TIAM1: variants seen among roughly 807,000 people sequenced by gnomAD.
TIAM1 encodes the protein TIAM Rac1 associated GEF 1.
Under a neutral mutation model 163.5 loss-of-function variants are expected in TIAM1, and 65 were observed. The ratio of observed to expected loss-of-function variants is 0.40; its 90% CI spans 0.33 to 0.49. The LOEUF (loss-of-function observed/expected upper bound fraction) is 0.49. Ranked by LOEUF, TIAM1 falls within the 20% of genes least tolerant of loss-of-function variation. The pLI, the probability that TIAM1 is intolerant of heterozygous loss-of-function variation, is 0.77. For missense variants in TIAM1, 1,789 were observed against 2,044.7 expected (o/e 0.87, Z 2.41); for synonymous variants, 833 against 810.1 (o/e 1.03, Z -0.48).
intron 8 of TIAM1, among the ~76,000 whole-genome samples, chr21:31,218,343 A>T (rs1216850912): frequency 1.3e-5 from 2 of 152,146 alleles, no homozygotes; most frequent in African/African-American, 4.8e-5. Context: ...AGATGCAGGC[A>T]GATCACCTGA....
intron 2 of TIAM1, among the ~76,000 whole-genome samples, chr21:31,316,052 T>C (rs1034640238): frequency 1.3e-5 from 2 of 151,824 alleles, no homozygotes; most frequent in African/African-American, 4.9e-5. Context: ...TACGGCCGAC[T>C]GTCAATAACC....
At chr21:31,407,220 T>G (rs969830471) in intron 2 of TIAM1, among the ~76,000 whole-genome samples, 2 of 152,196 alleles carry the variant, frequency 1.3e-5, no homozygotes, top group Non-Finnish European at 2.9e-5. Context: ...AACCTCTAAG[T>G]GTGTGAAGCC....
intron 2 of TIAM1, among the ~76,000 whole-genome samples, chr21:31,451,080 A>T (rs970980279): frequency 2.0e-5 from 3 of 151,392 alleles, no homozygotes; most frequent in Non-Finnish European, 4.4e-5. Context: ...AAAAAAAAAA[A>T]GGTTCGCTCT....
chr21:31,132,232 C>T (rs1042462849), intron 23 of TIAM1, among the ~76,000 whole-genome samples: 1 of 152,178 alleles, frequency 6.6e-6, no homozygotes. Flanking sequence ...GAGGGCAGGT[C>T]GGTCTTGTCT....
At chr21:31,207,260 G>A (rs1206437704) in intron 11 of TIAM1, among the ~76,000 whole-genome samples, 1 of 152,192 alleles carries the variant, frequency 6.6e-6, no homozygotes, top group African/African-American at 2.4e-5. Context: ...TATATGAAAT[G>A]AAGATCTTGA....
intron 2 of TIAM1, among the ~76,000 whole-genome samples, chr21:31,419,367 C>T (rs2043485918): frequency 6.6e-6 from 1 of 152,170 alleles, no homozygotes; most frequent in Non-Finnish European, 1.5e-5. Flanking sequence ...GACAGTGACG[C>T]ACCTTGTAGA....
chr21:31,509,225 G>A (rs995491253), intron 1 of TIAM1, among the ~76,000 whole-genome samples: 3 of 152,162 alleles, frequency 2.0e-5, no homozygotes, highest in Admixed American at 6.5e-5. Flanking sequence ...GTCACCCCAG[G>A]GAGACTCACC....
At chr21:31,166,290 G>C (rs1028482617) in intron 15 of TIAM1, among the ~76,000 whole-genome samples, 1 of 152,206 alleles carries the variant, frequency 6.6e-6, no homozygotes, top group Non-Finnish European at 1.5e-5. Context: ...TCACGGACTA[G>C]AGCACTATCA....
intron 2 of TIAM1, among the ~76,000 whole-genome samples, chr21:31,396,031 T>C (rs972486656): frequency 1.3e-5 from 2 of 152,192 alleles, no homozygotes; most frequent in Non-Finnish European, 2.9e-5. Flanking sequence ...GTCCCCAGAG[T>C]GCTAAACTAA....
chr21:31,228,219 TTAAAAAAAAAAAAAAAAAAAAAAAA>T (rs1319219800), intron 6 of TIAM1, among the ~76,000 whole-genome samples: 2 of 17,628 alleles, frequency 1.1e-4, no homozygotes, highest in Non-Finnish European at 2.1e-4. Context: ...CCTCCTTTTT[TTAAAAAAAAAAAAAAAAAAAAAAAA>T]AAAAAAAAAA....
chr21:31,455,798 C>T (rs1335951186), intron 2 of TIAM1, among the ~76,000 whole-genome samples: 1 of 152,156 alleles, frequency 6.6e-6, no homozygotes, highest in Non-Finnish European at 1.5e-5. Context: ...TTCTAGAAAA[C>T]AATAGCCTGC....
intron 2 of TIAM1, among the ~76,000 whole-genome samples, chr21:31,327,470 C>A (rs1290363705): frequency 6.6e-6 from 1 of 151,614 alleles, no homozygotes; most frequent in African/African-American, 2.4e-5. Context: ...CAAAACCCAT[C>A]TCTACTAAAA....
At chr21:31,507,666 T>C (rs2147463771) in intron 1 of TIAM1, among the ~76,000 whole-genome samples, 1 of 152,316 alleles carries the variant, frequency 6.6e-6, no homozygotes, top group East Asian at 1.9e-4. Context: ...CCTAAAGTCA[T>C]GGTCCCCGTC....
chr21:31,504,293 G>A (rs1383203599), intron 1 of TIAM1, among the ~76,000 whole-genome samples: 3 of 152,248 alleles, frequency 2.0e-5, no homozygotes, highest in African/African-American at 7.2e-5. Flanking sequence ...TCACAGAGAT[G>A]CAAGGGTGCA....
intron 6 of TIAM1, 90 bp downstream of exon 6, chr21:31,245,398 G>C: frequency 5.8e-4 from 245 of 421,448 alleles, no homozygotes; most frequent in Non-Finnish European, 7.6e-4. Context: ...AAAAAAAAAA[G>C]CAGTGGAGGG....
At chr21:31,220,261 G>T (rs2087481103) in intron 8 of TIAM1, among the ~76,000 whole-genome samples, 1 of 152,198 alleles carries the variant, frequency 6.6e-6, no homozygotes, top group South Asian at 2.1e-4. Context: ...TAAGCTTCAA[G>T]AGGACAGGAT....
At chr21:31,405,662 C>T (rs907527477) in intron 2 of TIAM1, among the ~76,000 whole-genome samples, 1 of 152,106 alleles carries the variant, frequency 6.6e-6, no homozygotes. Context: ...CAGAGAAAGT[C>T]CCATTTTTAA....
At chr21:31,408,387 C>T (rs926776140) in intron 2 of TIAM1, among the ~76,000 whole-genome samples, 5 of 152,150 alleles carry the variant, frequency 3.3e-5, no homozygotes, top group Admixed American at 2.0e-4. Context: ...GGGAACCACT[C>T]AGGCCCTTGA....
intron 2 of TIAM1, among the ~76,000 whole-genome samples, chr21:31,436,234 C>A (rs965429141): frequency 6.6e-6 from 1 of 152,186 alleles, no homozygotes; most frequent in East Asian, 1.9e-4. Context: ...ACAAGCACCA[C>A]GTAATATACA....
Sources: gnomAD v4.1 joint callset for allele counts (sites outside exome capture counted in the v4.1 genomes callset) on GRCh38, gnomAD v4.1.1 for gene constraint, MANE v1.5 for transcripts, NCBI Gene and HGNC (gene_info 2026-07-23, HGNC 2026-07-21) for gene names.